GALNTL6: variants seen among roughly 807,000 people sequenced by gnomAD.
GALNTL6 encodes polypeptide N-acetylgalactosaminyltransferase like 6.
GALNTL6 carries 46 observed loss-of-function variants against 73.7 expected under a neutral mutation model. That is an observed-to-expected ratio of 0.62 (90% CI 0.49 to 0.80). The LOEUF (loss-of-function observed/expected upper bound fraction) is 0.80. Among genes scored for constraint, GALNTL6 ranks in the 30% least tolerant of loss-of-function variants. The pLI is 0.00. For missense variants in GALNTL6, 604 were observed against 755.0 expected, an observed-to-expected ratio of 0.80 and a Z score of 2.34; for synonymous variants, 259 against 263.7, an observed-to-expected ratio of 0.98 and a Z score of 0.17.
At chr4:172,761,275 T>C (rs1273480571) in intron 5 of GALNTL6, among the ~76,000 whole-genome samples, 2 of 152,186 alleles carry the variant, frequency 1.3e-5, no homozygotes, top group Admixed American at 6.5e-5. Context: ...TTATGGAGGA[T>C]GTATACTACT....
At position 172,889,114 on chromosome 4, in the gene GALNTL6, A is replaced by G. The variant is rs116561096; in HGVS notation, c.1041+6207A>G. ...TAAATTTTGTACATTGATTTTGTAT[A>G]CTGAAACTTTACTGAAGCCATTTAT... is the stretch of plus-strand genomic sequence containing the variant. On this transcript the variant is annotated intron_variant, in intron 8 of 12. Coordinates refer to ENST00000506823, the MANE Select transcript of GALNTL6 (RefSeq NM_001034845.3). 5.8e-3 allele frequency among the ~76,000 whole-genome samples: 878 copies of G among 152,246 alleles called. 7 individuals are homozygous for G. Among genetic ancestry groups the G allele is most frequent in the African/African-American group, 0.02 (824 of 41,556 alleles).
intron 11 of GALNTL6, among the ~76,000 whole-genome samples, chr4:173,012,607 A>C (rs937497133): frequency 2.0e-5 from 3 of 152,208 alleles, no homozygotes; most frequent in African/African-American, 7.2e-5. Flanking sequence ...TCTAGGCCAT[A>C]GTTCTTCCAT....
chr4:172,118,774 G>T (rs1733061928), intron 2 of GALNTL6, among the ~76,000 whole-genome samples: 2 of 151,030 alleles, frequency 1.3e-5, no homozygotes, highest in South Asian at 4.2e-4. Context: ...AAAAAAGAAA[G>T]GTGGGTGGAG....
intron 5 of GALNTL6, among the ~76,000 whole-genome samples, chr4:172,462,162 C>T (rs1257980258): frequency 6.6e-6 from 1 of 152,050 alleles, no homozygotes; most frequent in Non-Finnish European, 1.5e-5. Flanking sequence ...ACCTAAATTA[C>T]ACCACTAGTT....
At chr4:172,225,434 G>A (rs931651029) in intron 2 of GALNTL6, among the ~76,000 whole-genome samples, 1 of 142,170 alleles carries the variant, frequency 7.0e-6, no homozygotes, top group Admixed American at 7.1e-5. Context: ...TTTTTTTTAC[G>A]GTGACCATTG....
intron 5 of GALNTL6, among the ~76,000 whole-genome samples, chr4:172,715,061 G>A (rs966249342): frequency 6.6e-6 from 1 of 151,876 alleles, no homozygotes; most frequent in Non-Finnish European, 1.5e-5. Context: ...AAGATCTTCT[G>A]GTTTCAGATT....
chr4:172,879,342 A>G (rs1745342569), intron 7 of GALNTL6, among the ~76,000 whole-genome samples: 1 of 151,906 alleles, frequency 6.6e-6, no homozygotes, highest in African/African-American at 2.4e-5. Flanking sequence ...TCAAATACAC[A>G]TGGAACATTT....
chr4:172,931,190 T>C lies in GALNTL6; in HGVS notation c.1071T>C (p.Asp357=). 3 of 1,610,320 alleles carry C rather than the reference T, an allele frequency of 1.9e-6. No homozygotes were observed. Among genetic ancestry groups the C allele is most frequent in the Non-Finnish European group, 2.5e-6 (3 of 1,176,504 alleles). ...KVWMCGGEMF[D]VPCSRVGHIY... The stretch of plus-strand genomic sequence containing the variant: ...GGATGTGTGGAGGAGAAATGTTTGA[T>C]GTTCCATGTTCTAGAGTTGGTCATA... Residue 357 remains aspartate (D), a synonymous_variant, in exon 9 of 13, where the codon GAT becomes GAC. Coordinates refer to ENST00000506823, the MANE Select transcript of GALNTL6 (RefSeq NM_001034845.3).
chr4:172,662,645 T>A (rs1325648016), intron 5 of GALNTL6, among the ~76,000 whole-genome samples: 1 of 152,212 alleles, frequency 6.6e-6, no homozygotes, highest in Non-Finnish European at 1.5e-5. Context: ...TACTCTATCA[T>A]CAATGGATTC....
At chr4:172,305,496 A>G (rs917266599) in intron 3 of GALNTL6, among the ~76,000 whole-genome samples, 4 of 152,104 alleles carry the variant, frequency 2.6e-5, no homozygotes, top group Admixed American at 6.5e-5. Flanking sequence ...AGTAAATTAT[A>G]TTATAAATTT....
At chr4:172,775,919 A>G (rs1334380883) in intron 5 of GALNTL6, among the ~76,000 whole-genome samples, 3 of 152,150 alleles carry the variant, frequency 2.0e-5, no homozygotes, top group Admixed American at 2.0e-4. Flanking sequence ...GCTGATGGCT[A>G]ACAAAGAGCT....
intron 2 of GALNTL6, among the ~76,000 whole-genome samples, chr4:171,982,254 A>G (rs1030488628): frequency 5.9e-5 from 9 of 151,830 alleles, no homozygotes; most frequent in African/African-American, 2.2e-4. Context: ...AGGGTCATAA[A>G]AGTGACTATC....
intron 2 of GALNTL6, among the ~76,000 whole-genome samples, chr4:171,910,597 A>G (rs1326067758): frequency 6.6e-6 from 1 of 152,064 alleles, no homozygotes. Flanking sequence ...TTTATGTTAC[A>G]GTGGAAAGAG....
chr4:173,006,922 A>G (rs1752326642), intron 10 of GALNTL6, among the ~76,000 whole-genome samples: 1 of 152,156 alleles, frequency 6.6e-6, no homozygotes, highest in Non-Finnish European at 1.5e-5. Context: ...GTTCCCCTGT[A>G]CTCTGCATTA....
intron 5 of GALNTL6, among the ~76,000 whole-genome samples, chr4:172,603,373 A>G (rs1199808798): frequency 1.3e-5 from 2 of 152,192 alleles, no homozygotes; most frequent in African/African-American, 2.4e-5. Flanking sequence ...AGCATGTCAC[A>G]TGTGAGGCCA....
At chr4:171,964,518 T>G (rs1739326940) in intron 2 of GALNTL6, among the ~76,000 whole-genome samples, 1 of 152,206 alleles carries the variant, frequency 6.6e-6, no homozygotes, top group Non-Finnish European at 1.5e-5. Flanking sequence ...AATTAAAAAC[T>G]TTTCATTATA....
At chr4:172,777,265 A>G (rs1331065964) in intron 5 of GALNTL6, among the ~76,000 whole-genome samples, 1 of 152,230 alleles carries the variant, frequency 6.6e-6, no homozygotes, top group Non-Finnish European at 1.5e-5. Flanking sequence ...TATGTGATTC[A>G]TTATAGCTAC....
At chr4:172,485,163 T>G (rs1733623859) in intron 5 of GALNTL6, among the ~76,000 whole-genome samples, 1 of 152,128 alleles carries the variant, frequency 6.6e-6, no homozygotes, top group South Asian at 2.1e-4. Flanking sequence ...ACAATGAGGA[T>G]AACTTTAGAT....
At position 172,135,441 on chromosome 4, in the gene GALNTL6, TGCCACATAAC is replaced by T. The variant is rs1185731424; in HGVS notation, c.139-94214_139-94205del. Among the ~76,000 whole-genome samples the T allele has an allele frequency of 1.5e-4, 23 of 151,740 alleles. No individual in the cohort carries two copies. In the South Asian group the frequency reaches 4.6e-3, roughly 30 times the overall value. On this transcript the variant is annotated intron_variant, in intron 2 of 12. Transcript: ENST00000506823. Reference sequence around the variant, plus strand: ...AGAGAGAGAGAGAAAGAGAGAGAGTTGCCACATAACCTTTGCTCTTAAGCTTAAATAAAAG... The same window carrying T: ...AGAGAGAGAGAGAAAGAGAGAGAGTTCTTTGCTCTTAAGCTTAAATAAAAG...
Sources: allele counts gnomAD v4.1 joint callset (sites outside exome capture counted in the v4.1 genomes callset), GRCh38; gene constraint gnomAD v4.1.1; transcripts MANE v1.5; gene names NCBI Gene and HGNC (gene_info 2026-07-23, HGNC 2026-07-21).